The following RMND1 variants were observed in gnomAD, a reference collection of about 807,000 sequenced individuals.
The protein encoded by RMND1 is required for meiotic nuclear division 1 homolog, also known as required for meiotic nuclear division protein 1 homolog.
RMND1 carries 41 observed loss-of-function variants against 54.0 expected under a neutral mutation model. That is an observed-to-expected ratio of 0.76 (90% CI 0.59 to 0.98). The LOEUF (loss-of-function observed/expected upper bound fraction) is 0.98. Ranked by LOEUF, RMND1 falls within the 50% of genes least tolerant of loss-of-function variation. The pLI, the probability that RMND1 is intolerant of heterozygous loss-of-function variation, is 0.00. For synonymous variants in RMND1, 183 were observed against 181.7 expected, an observed-to-expected ratio of 1.01 and a Z score of -0.06; for missense variants, 457 against 532.0, an observed-to-expected ratio of 0.86 and a Z score of 1.39.
intron 10 of RMND1, among the ~76,000 whole-genome samples, chr6:151,409,685 A>G (rs1779747845): frequency 6.6e-6 from 1 of 152,174 alleles, no homozygotes; most frequent in African/African-American, 2.4e-5. Flanking sequence ...GTAAATGAGG[A>G]AGATCTGTGA....
chr6:151,423,873 A>G (rs1283830559), intron 6 of RMND1, among the ~76,000 whole-genome samples: 1 of 149,508 alleles, frequency 6.7e-6, no homozygotes, highest in Admixed American at 6.7e-5. Flanking sequence ...TTTTTGAGAC[A>G]GTCTCACTCT....
intron 6 of RMND1, 46 bp downstream of exon 6, chr6:151,427,436 T>C: frequency 1.7e-6 from 2 of 1,184,044 alleles, no homozygotes; most frequent in Non-Finnish European, 2.5e-6. Context: ...CTTTACCTAA[T>C]TTATTCCAAG....
chr6:151,409,838 C>T (rs1779752798), intron 10 of RMND1, among the ~76,000 whole-genome samples: 1 of 152,082 alleles, frequency 6.6e-6, no homozygotes, highest in Non-Finnish European at 1.5e-5. Flanking sequence ...GGGACAGAAG[C>T]CTCAGCGACA....
intron 11 of RMND1, 36 bp downstream of exon 11, chr6:151,405,683 TG>T: frequency 9.9e-7 from 1 of 1,005,766 alleles, no homozygotes; most frequent in East Asian, 2.4e-5. Context: ...TGTGAAAAGA[TG>T]GTAACTGATC....
At chr6:151,450,322 C>T (rs1260910904) in intron 1 of RMND1, among the ~76,000 whole-genome samples, 1 of 149,228 alleles carries the variant, frequency 6.7e-6, no homozygotes, top group Non-Finnish European at 1.5e-5. Context: ...GTGAGGAGAC[C>T]CTCCGCCCGG....
chr6:151,433,948 C>T (rs1272456831), intron 3 of RMND1, among the ~76,000 whole-genome samples: 1 of 89,658 alleles, frequency 1.1e-5, no homozygotes, highest in African/African-American at 5.9e-5. Context: ...GACCCCCCCC[C>T]GCCCCACCCA....
chr6:151,417,479 T>A, intron 9 of RMND1, 80 bp from the exon 10 acceptor site: 1 of 1,240,662 alleles, frequency 8.1e-7, no homozygotes, highest in Non-Finnish European at 1.1e-6. Context: ...ATTTACATAG[T>A]GCTTTATGAA....
chr6:151,450,960 G>C (rs936245920), intron 1 of RMND1, among the ~76,000 whole-genome samples: 5 of 152,116 alleles, frequency 3.3e-5, no homozygotes, highest in African/African-American at 1.2e-4. Context: ...AATGGATTAA[G>C]GGCGGTGCAA....
At chr6:151,421,210 A>G (rs761725037) in intron 9 of RMND1, 35 bp downstream of exon 9, 3 of 1,406,264 alleles carry the variant, frequency 2.1e-6, no homozygotes, top group African/African-American at 1.4e-5. Flanking sequence ...ATTGTTAAAT[A>G]TATGAAATAT....
intron 1 of RMND1, among the ~76,000 whole-genome samples, chr6:151,449,919 G>T (rs928347334): frequency 6.6e-6 from 1 of 152,204 alleles, no homozygotes; most frequent in Non-Finnish European, 1.5e-5. Context: ...CCGAGGTGCC[G>T]GGTTTGCAGA....
chr6:151,409,340 TTGAC>T (rs1779732513), intron 10 of RMND1, among the ~76,000 whole-genome samples: 1 of 152,188 alleles, frequency 6.6e-6, no homozygotes, highest in Non-Finnish European at 1.5e-5. Flanking sequence ...AAAAGATTGT[TTGAC>T]TGGATATGGA....
intron 6 of RMND1, among the ~76,000 whole-genome samples, chr6:151,426,150 T>C (rs1010130788): frequency 1.3e-5 from 2 of 152,164 alleles, no homozygotes; most frequent in Non-Finnish European, 2.9e-5. Flanking sequence ...GGTTTCGCCA[T>C]GTTGGCCAAG....
chr6:151,407,115 C>G (rs1259714610), intron 10 of RMND1, among the ~76,000 whole-genome samples: 4 of 152,032 alleles, frequency 2.6e-5, no homozygotes, highest in African/African-American at 9.7e-5. Flanking sequence ...GATCATGCCA[C>G]TGCACTCCAG....
At chr6:151,409,598 A>G (rs1779742904) in intron 10 of RMND1, among the ~76,000 whole-genome samples, 1 of 152,228 alleles carries the variant, frequency 6.6e-6, no homozygotes, top group Admixed American at 6.5e-5. Flanking sequence ...GAAAATAATC[A>G]TGGTCTCCGA....
chr6:151,405,585 AAT>A, intron 11 of RMND1, 133 bp downstream of exon 11: 2 of 623,670 alleles, frequency 3.2e-6, no homozygotes, highest in South Asian at 4.2e-5. Context: ...GAAACTTCCA[AAT>A]AGAGTTAGTA....
chr6:151,424,425 T>C (rs1780238484), intron 6 of RMND1, among the ~76,000 whole-genome samples: 1 of 149,314 alleles, frequency 6.7e-6, no homozygotes, highest in African/African-American at 2.5e-5. Context: ...ATCACGCCAC[T>C]GCACTCCAGC....
At chr6:151,424,966 G>A (rs1282038095) in intron 6 of RMND1, among the ~76,000 whole-genome samples, 2 of 151,836 alleles carry the variant, frequency 1.3e-5, no homozygotes, top group African/African-American at 4.8e-5. Context: ...TTTTTGAGAC[G>A]GAGTCTTGCT....
intron 6 of RMND1, among the ~76,000 whole-genome samples, chr6:151,424,332 G>A (rs1425142642): frequency 1.3e-5 from 2 of 151,846 alleles, no homozygotes; most frequent in East Asian, 3.9e-4. Flanking sequence ...GTGTGGTGGC[G>A]GGCGCCTGTA....
intron 2 of RMND1, among the ~76,000 whole-genome samples, chr6:151,440,019 C>T (rs1780730684): frequency 6.6e-6 from 1 of 152,094 alleles, no homozygotes; most frequent in Non-Finnish European, 1.5e-5. Context: ...GGCAGTGGTG[C>T]GATCTCAGCT....
Sources: allele counts gnomAD v4.1 joint callset (sites outside exome capture counted in the v4.1 genomes callset), GRCh38; gene constraint gnomAD v4.1.1; transcripts MANE v1.5; gene names NCBI Gene and HGNC (gene_info 2026-07-23, HGNC 2026-07-21).